The following COL4A6 variants were observed in gnomAD, a reference collection of about 807,000 sequenced individuals.
COL4A6 encodes collagen type IV alpha 6 chain.
A neutral mutation model predicts 126.7 loss-of-function variants in COL4A6; 59 were observed. The observed-to-expected ratio is 0.47, with a 90% CI of 0.38 to 0.58. The LOEUF (loss-of-function observed/expected upper bound fraction) is 0.58. Ranked by LOEUF, COL4A6 falls within the 20% of genes least tolerant of loss-of-function variation. COL4A6 has a pLI of 0.00. For synonymous variants in COL4A6, 547 were observed against 496.6 expected (o/e 1.10, Z -1.35); for missense variants, 1,285 against 1,337.3 (o/e 0.96, Z 0.61).
intron 11 of COL4A6, 145 bp from the exon 12 acceptor site, chrX:108,204,557 C>T (rs1475019840): frequency 1.8e-6 from 1 of 564,438 alleles, no homozygotes; most frequent in East Asian, 3.3e-5. Context: ...GGAAACAAAA[C>T]TCTCACTGCC....
chrX:108,413,712 T>C (rs1057173789), intron 2 of COL4A6, among the ~76,000 whole-genome samples: 13 of 111,996 alleles, frequency 1.2e-4, no homozygotes, highest in African/African-American at 4.2e-4. Context: ...CAGGATGTGC[T>C]GGCCTTACCT....
chrX:108,215,395 G>A (rs897908661), intron 5 of COL4A6, among the ~76,000 whole-genome samples: 3 of 111,799 alleles, frequency 2.7e-5, no homozygotes, highest in Non-Finnish European at 5.6e-5. Flanking sequence ...CTCAGGTGAT[G>A]ATTTTTAGTT....
chrX:108,276,969 A>C (rs1297588845), intron 3 of COL4A6, among the ~76,000 whole-genome samples: 2 of 112,690 alleles, frequency 1.8e-5, no homozygotes, highest in African/African-American at 3.2e-5. Context: ...CTTTGTCCAA[A>C]CAAAATCTTA....
chrX:108,175,742 A>C lies in COL4A6; in HGVS notation c.2742T>G (p.Gly914=). Residue 914 remains glycine (G), a synonymous_variant, in exon 29 of 45, where the codon GGT becomes GGG. Coordinates refer to ENST00000334504, the MANE Select transcript of COL4A6 (RefSeq NM_033641.4). ...CTTTTAATCCTCTTGTTCCAGGAAT[A>C]CCAGGCAGACCTGGTATTCCTGGAA... ...VGFPGIPGLP[G]IPGTRGLKGI... is the part of the protein sequence containing the mutation. The C allele has an allele frequency of 1.7e-6, 2 of 1,191,844 alleles. No individual in the cohort carries two copies. The highest frequency in any genetic ancestry group is 1.1e-6 in the Non-Finnish European group (1 of 882,604).
chrX:108,344,535 C>CT (rs200130024), intron 2 of COL4A6, among the ~76,000 whole-genome samples: 2 of 111,380 alleles, frequency 1.8e-5, no homozygotes, highest in Non-Finnish European at 3.8e-5. Context: ...GTCCAGAAGG[C>CT]TTTTTTTTCC....
At chrX:108,277,858 C>T (rs922266207) in intron 3 of COL4A6, among the ~76,000 whole-genome samples, 9 of 111,623 alleles carry the variant, frequency 8.1e-5, no homozygotes, top group Admixed American at 2.8e-4. Context: ...CTGCAGCCAC[C>T]GCTGCTGGTA....
chrX:108,240,147 G>A (rs2036533737), intron 3 of COL4A6, among the ~76,000 whole-genome samples: 1 of 111,419 alleles, frequency 9.0e-6, no homozygotes, highest in African/African-American at 3.3e-5. Context: ...GGAGACTGAG[G>A]CAAGAGAATC....
chrX:108,318,750 C>T (rs889121290), intron 2 of COL4A6, among the ~76,000 whole-genome samples: 1 of 112,294 alleles, frequency 8.9e-6, no homozygotes, highest in East Asian at 2.8e-4. Flanking sequence ...GAAGAATATT[C>T]CATGCTCATG....
intron 5 of COL4A6, among the ~76,000 whole-genome samples, chrX:108,214,505 G>A (rs1377745754): frequency 8.9e-6 from 1 of 112,147 alleles, no homozygotes; most frequent in Non-Finnish European, 1.9e-5. Context: ...ACAAGGTCTT[G>A]CAACTTTACC....
intron 3 of COL4A6, among the ~76,000 whole-genome samples, chrX:108,249,892 C>T (rs57920882): frequency 0.085 from 9,439 of 111,575 alleles, 892 homozygotes; most frequent in African/African-American, 0.27. Flanking sequence ...GTATAATATA[C>T]AATCCATGAT....
At chrX:108,413,916 T>C (rs769398613) in intron 2 of COL4A6, among the ~76,000 whole-genome samples, 1 of 112,012 alleles carries the variant, frequency 8.9e-6, no homozygotes, top group East Asian at 2.8e-4. Context: ...GAGACACTAA[T>C]TAAAGGTTTC....
At chrX:108,215,487 G>A (rs2035834682) in intron 5 of COL4A6, among the ~76,000 whole-genome samples, 2 of 111,381 alleles carry the variant, frequency 1.8e-5, no homozygotes, top group South Asian at 7.8e-4. Context: ...TTGCCCTGAA[G>A]ATCTACACTC....
At chrX:108,157,305 G>A in intron 44 of COL4A6, 45 bp from the exon 45 acceptor site, 3 of 1,184,869 alleles carry the variant, frequency 2.5e-6, no homozygotes, top group Non-Finnish European at 3.4e-6. Context: ...CCTGCCAAGG[G>A]TTGGTGTGGG....
intron 3 of COL4A6, among the ~76,000 whole-genome samples, chrX:108,233,910 G>A (rs1395211918): frequency 9.1e-6 from 1 of 109,641 alleles, no homozygotes; most frequent in Non-Finnish European, 1.9e-5. Flanking sequence ...AGATGGGAAG[G>A]GAATGAGATC....
rs749299696 is a variant in COL4A6, at chrX:108,232,890, C to CCAAA, written c.145-11520_145-11517dup. ...CGAATAACCAAACTCCAATTGTCCA[C>CCAAA]CAAACAAACAAACAAACAAACAAAC... is the stretch of plus-strand genomic sequence containing the variant. On this transcript the variant is annotated intron_variant, in intron 3 of 44. Coordinates refer to ENST00000334504, the MANE Select transcript of COL4A6 (RefSeq NM_033641.4). 1.7e-3 allele frequency among the ~76,000 whole-genome samples: 193 copies of CCAAA among 110,997 alleles called. 1 individual carries two copies. Among genetic ancestry groups the CCAAA allele is most frequent in the African/African-American group, 4.4e-3 (135 of 30,559 alleles).
rs376450994 is a variant in COL4A6 at position 108,159,665 on chromosome X, G to A, written c.4609C>T (p.Arg1537Cys). 256 of 1,210,435 alleles carry A rather than the reference G, an allele frequency of 2.1e-4. 1 individual carries two copies. The Admixed American group carries it at 4.7e-3, about 22-fold the overall frequency. The change falls in exon 44 of 45, where the codon CGC (arginine) becomes TGC (cysteine). Residue 1537 changes from arginine (R) to cysteine (C), a missense_variant. Physicochemically the swap from Arg to Cys is radical, Grantham distance 180. Transcript: ENST00000334504. ...NINEVCHYAR[R>C]NDKSYWLSTT... ...GAGAGCCAGTAAGATTTATCATTGCGCCTGGCATAGTGGCACACCTCGTTG... is the reference window on the plus strand; with the variant it reads ...GAGAGCCAGTAAGATTTATCATTGCACCTGGCATAGTGGCACACCTCGTTG...
intron 40 of COL4A6, chrX:108,163,382 A>G (rs769472345): frequency 5.8e-6 from 1 of 172,398 alleles, no homozygotes; most frequent in African/African-American, 3.1e-5. Flanking sequence ...TGGTTTACTC[A>G]CTGGTTAGAG....
chrX:108,297,853 C>T (rs759700724), intron 3 of COL4A6, among the ~76,000 whole-genome samples: 18 of 108,201 alleles, frequency 1.7e-4, no homozygotes, highest in Non-Finnish European at 3.3e-4. Flanking sequence ...GCATGCAGTC[C>T]CTCCCCTCCC....
chrX:108,203,113 G>C, intron 12 of COL4A6, 132 bp from the exon 13 acceptor site: 1 of 528,476 alleles, frequency 1.9e-6, no homozygotes, highest in Non-Finnish European at 3.2e-6. Flanking sequence ...GCAGAGAGTG[G>C]TGCAGATTCC....
Sources: allele counts gnomAD v4.1 joint callset (sites outside exome capture counted in the v4.1 genomes callset), GRCh38; gene constraint gnomAD v4.1.1; transcripts MANE v1.5; gene names NCBI Gene and HGNC (gene_info 2026-07-23, HGNC 2026-07-21).